Variants in NADSYN1 observed in about 807,000 individuals in gnomAD.
NADSYN1 encodes the protein NAD synthetase 1.
A neutral mutation model predicts 99.3 loss-of-function variants in NADSYN1; 80 were observed. The observed-to-expected ratio is 0.81, with a 90% CI of 0.67 to 0.97. The LOEUF (loss-of-function observed/expected upper bound fraction) is 0.97, where lower values mean the gene tolerates loss of function less well. Among genes scored for constraint, NADSYN1 ranks in the 50% least tolerant of loss-of-function variants. The pLI, the probability that NADSYN1 is intolerant of heterozygous loss-of-function variation, is 0.00. For missense variants in NADSYN1, 859 were observed against 948.5 expected (o/e 0.91, Z 1.24); for synonymous variants, 385 against 372.1 (o/e 1.03, Z -0.40).
At chr11:71,475,758 A>C (rs185293055) in intron 9 of NADSYN1, 10 of 292,482 alleles carry the variant, frequency 3.4e-5, no homozygotes, top group Non-Finnish European at 6.7e-5. Context: ...TCTGTCACCC[A>C]GGCTGGAGTG....
At chr11:71,475,905 G>C in intron 9 of NADSYN1, 1 of 402,626 alleles carries the variant, frequency 2.5e-6, no homozygotes, top group East Asian at 7.2e-5. Context: ...GTAGAGACAG[G>C]GTTTCACTGT....
chr11:71,468,712 A>G (rs1949609237), intron 5 of NADSYN1, among the ~76,000 whole-genome samples: 2 of 152,240 alleles, frequency 1.3e-5, no homozygotes, highest in African/African-American at 4.8e-5. Context: ...GACAGAGGTC[A>G]TTATTCTGGA....
In NADSYN1 at chr11:71,473,288, C is replaced by G. The variant is rs1194453627; in HGVS notation, c.470C>G (p.Pro157Arg). The G allele has an allele frequency of 1.9e-6, 3 of 1,614,028 alleles. No homozygotes were observed. Among genetic ancestry groups the G allele is most frequent in the Non-Finnish European group, 2.5e-6 (3 of 1,180,032 alleles). ...CTCTTCCGACTGCAGGAAACCGTAC[C>G]CTTCGGAGATGCGGTGCTGGTGACA... is the stretch of plus-strand genomic sequence containing the variant. ...IQDLTKQETV[P>R]FGDAVLVTWD... Residue 157 changes from proline to arginine, a missense_variant, in exon 7 of 21, where the codon CCC becomes CGC. Coordinates refer to ENST00000319023, the MANE Select transcript of NADSYN1 (RefSeq NM_018161.5).
At chr11:71,466,774 G>A (rs1404893161) in intron 5 of NADSYN1, 5 of 152,160 alleles carry the variant, frequency 3.3e-5, no homozygotes, top group Non-Finnish European at 4.4e-5. Context: ...TTAGTATGTC[G>A]GATACAATAT....
chr11:71,500,583 T>A (rs1949850752), intron 20 of NADSYN1, among the ~76,000 whole-genome samples: 1 of 29,988 alleles, frequency 3.3e-5, no homozygotes, highest in Non-Finnish European at 1.6e-4. Flanking sequence ...GGTTGAGGAA[T>A]GCTGAACATT....
intron 5 of NADSYN1, chr11:71,464,424 G>T: frequency 3.0e-6 from 1 of 328,058 alleles, no homozygotes; most frequent in South Asian, 4.7e-5. Context: ...TCCTCTAGAG[G>T]CTTCCCATCG....
At chr11:71,469,190 G>T (rs989857856) in intron 5 of NADSYN1, among the ~76,000 whole-genome samples, 1 of 152,140 alleles carries the variant, frequency 6.6e-6, no homozygotes. Flanking sequence ...AGGTGTGGTG[G>T]CTCATGCCTG....
At chr11:71,481,650 C>A (rs1949708646) in intron 12 of NADSYN1, 2 of 605,028 alleles carry the variant, frequency 3.3e-6, no homozygotes, top group African/African-American at 1.9e-5. Flanking sequence ...CAGGGTCACG[C>A]TCACCATCTT....
Position 71,478,471 on chromosome 11 carries a change from T to G in NADSYN1, c.873+2T>G, listed in dbSNP as rs1218800032. 6.3e-7 allele frequency: 1 copy of G among 1,599,758 alleles called. No individual in the cohort carries two copies. Among genetic ancestry groups the G allele is most frequent in the South Asian group, 1.1e-5 (1 of 88,430 alleles). Reference sequence around the variant, plus strand: ...GAGATTTCATCTCGAAACCTGGCGGTGAGTGCTCCAGTAGACACCTGTGTG... The same window carrying G: ...GAGATTTCATCTCGAAACCTGGCGGGGAGTGCTCCAGTAGACACCTGTGTG... On this transcript the variant is annotated splice_donor_variant, in intron 10 of 20. Coordinates refer to ENST00000319023, the MANE Select transcript of NADSYN1 (RefSeq NM_018161.5). LOFTEE classifies it high-confidence loss of function.
chr11:71,464,111 C>T lies in NADSYN1; in HGVS notation c.376C>T (p.Leu126=), dbSNP rs760751834. 1 of 1,612,024 alleles carries T rather than the reference C, an allele frequency of 6.2e-7. No homozygotes were observed. Among genetic ancestry groups the T allele is most frequent in the Non-Finnish European group, 8.5e-7 (1 of 1,179,230 alleles). Reference sequence around the variant, plus strand: ...GGCCAATGAAGGCAACTACCGCGAGCTGCGCTGGTTCACCCCGTGGTCGAG... The same window carrying T: ...GGCCAATGAAGGCAACTACCGCGAGTTGCGCTGGTTCACCCCGTGGTCGAG... ...ALANEGNYRE[L]RWFTPWSRSR... The change falls in exon 5 of 21, where the codon CTG becomes TTG. Residue 126 remains leucine (L), a synonymous_variant. Transcript: ENST00000319023.
At position 71,491,695 on chromosome 11, in the gene NADSYN1, A is replaced by G. The variant is rs541414484; in HGVS notation, c.1695-139A>G. The G allele has an allele frequency of 2.1e-4, 154 of 731,138 alleles. 3 individuals carry two copies. The highest frequency in any genetic ancestry group is 1.6e-3 in the African/African-American group (89 of 57,276). The allele number at this position is 731,138 out of a possible 1,614,324, so 45.3% of individuals were successfully genotyped here. A position where few individuals can be genotyped will look rare whatever the true frequency, so the allele number is the denominator to read the frequency against. Reference sequence around the variant, plus strand: ...CCCCGCTGGAAAGCCCAGCACCGCAAGCCTTGGTGACGTCCTACCCACGGT... The same window carrying G: ...CCCCGCTGGAAAGCCCAGCACCGCAGGCCTTGGTGACGTCCTACCCACGGT... On this transcript the variant is annotated intron_variant, in intron 17 of 20. Coordinates refer to ENST00000319023, the MANE Select transcript of NADSYN1 (RefSeq NM_018161.5).
chr11:71,453,495 G>A, intron 1 of NADSYN1, 114 bp downstream of exon 1: 1 of 998,368 alleles, frequency 1.0e-6, no homozygotes, highest in Non-Finnish European at 1.5e-6. Context: ...CTCGGCCCTG[G>A]GCATGGGATC....
At chr11:71,481,048 C>A in intron 11 of NADSYN1, 169 bp downstream of exon 11, 2 of 927,812 alleles carry the variant, frequency 2.2e-6, no homozygotes, top group Non-Finnish European at 3.2e-6. Context: ...AGAGCCAGAA[C>A]CCCTGGGTGT....
chr11:71,477,427 A>G (rs771863995), intron 9 of NADSYN1: 574 of 1,289,668 alleles, frequency 4.5e-4, no homozygotes, highest in Non-Finnish European at 5.4e-4. Context: ...CTTCATGGGC[A>G]TCTCCGGCCA....
At chr11:71,478,357 G>A (rs372526717) in intron 9 of NADSYN1, 38 bp from the exon 10 acceptor site, 70 of 1,525,226 alleles carry the variant, frequency 4.6e-5, no homozygotes, top group Admixed American at 2.5e-4. Context: ...TTGAACAAAC[G>A]GGAAATCACG....
chr11:71,472,542 G>C (rs373606016), intron 6 of NADSYN1, 42 bp downstream of exon 6: 4 of 1,562,988 alleles, frequency 2.6e-6, no homozygotes, highest in Non-Finnish European at 3.5e-6. Flanking sequence ...GTCGGTTGTC[G>C]CTGTTCTCGG....
At chr11:71,498,792 C>A in intron 20 of NADSYN1, 1 of 350,202 alleles carries the variant, frequency 2.9e-6, no homozygotes. Context: ...CAAGCTATTT[C>A]ACATGTGCGT....
chr11:71,476,675 A>C lies in NADSYN1; in HGVS notation c.799-1720A>C, dbSNP rs112404481. 6.1e-6 allele frequency: 6 copies of C among 984,618 alleles called. No homozygotes were observed. The African/African-American group carries it at 7.0e-5, about 12-fold the overall frequency. The allele number at this position is 984,618 out of a possible 1,614,324, so 61.0% of individuals were successfully genotyped here. A position where few individuals can be genotyped will look rare whatever the true frequency, so the allele number is the denominator to read the frequency against. The stretch of plus-strand genomic sequence containing the variant: ...CGACAGAGCTGGAAGGGCTTTGAAG[A>C]GAAGGATTAAGTTCCTGCTGATGGG... On this transcript the variant is annotated intron_variant, in intron 9 of 20. Transcript: ENST00000319023.
chr11:71,463,487 T>G lies in NADSYN1; in HGVS notation c.317+2T>G. 6.2e-7 allele frequency: 1 copy of G among 1,613,634 alleles called. No homozygotes were observed. Among genetic ancestry groups the G allele is most frequent in the South Asian group, 1.1e-5 (1 of 91,024 alleles). ...CTGCAGAGTGATATTCCTCAACAGG[T>G]AGGCCCCCTGCCCCCACCCCGGGAG... is the stretch of plus-strand genomic sequence containing the variant. On this transcript the variant is annotated splice_donor_variant, in intron 4 of 20. Coordinates refer to ENST00000319023, the MANE Select transcript of NADSYN1 (RefSeq NM_018161.5). LOFTEE classifies it high-confidence loss of function.
Sources: allele counts gnomAD v4.1 joint callset (sites outside exome capture counted in the v4.1 genomes callset), GRCh38; gene constraint gnomAD v4.1.1; transcripts MANE v1.5; gene names NCBI Gene and HGNC (gene_info 2026-07-23, HGNC 2026-07-21).